Variants in AOPEP observed in about 807,000 individuals in gnomAD.
AOPEP encodes the protein aminopeptidase O (putative).
A neutral mutation model predicts 98.1 loss-of-function variants in AOPEP; 77 were observed. The observed-to-expected ratio is 0.78, with a 90% CI of 0.65 to 0.95. AOPEP has a LOEUF of 0.95. Among genes scored for constraint, AOPEP ranks in the 40% least tolerant of loss-of-function variants. The pLI is 0.00. For synonymous variants in AOPEP, 346 were observed against 365.3 expected (o/e 0.95, Z 0.60); for missense variants, 1,024 against 1,024.7 (o/e 1.00, Z 0.01).
chr9:94,774,097 G>A (rs1841516178), intron 3 of AOPEP, among the ~76,000 whole-genome samples: 1 of 151,938 alleles, frequency 6.6e-6, no homozygotes, highest in African/African-American at 2.4e-5. Context: ...TTTAAAATAT[G>A]GCATCTCCTT....
At chr9:94,892,242 T>C (rs1452225685) in intron 5 of AOPEP, among the ~76,000 whole-genome samples, 3 of 152,154 alleles carry the variant, frequency 2.0e-5, no homozygotes, top group Admixed American at 6.5e-5. Context: ...ACTTGAGAAG[T>C]TTTCAAATCT....
intron 11 of AOPEP, among the ~76,000 whole-genome samples, chr9:94,983,005 C>CTTTTG (rs1023880340): frequency 1.4e-4 from 21 of 151,836 alleles, no homozygotes; most frequent in Non-Finnish European, 2.4e-4. Flanking sequence ...CAGAACTGCG[C>CTTTTG]TTTTGTTTTG....
At chr9:94,864,797 A>G (rs1457904441) in intron 5 of AOPEP, among the ~76,000 whole-genome samples, 2 of 152,172 alleles carry the variant, frequency 1.3e-5, no homozygotes, top group Non-Finnish European at 2.9e-5. Context: ...TAATTCAGTT[A>G]TTTTAATTTT....
At position 95,010,552 on chromosome 9, in the gene AOPEP, G is replaced by A. The variant is rs368639237; in HGVS notation, c.2115+4936G>A. On this transcript the variant is annotated intron_variant, in intron 13 of 16. Transcript: ENST00000375315. ...ATTGCAGTTGAGTGCTTTCCCAGGC[G>A]TTGGTGCCCTTGCCTCTTTTTGAGA... is the stretch of plus-strand genomic sequence containing the variant. 3.3e-5 allele frequency among the ~76,000 whole-genome samples: 5 copies of A among 152,366 alleles called. No homozygotes were observed. In the South Asian group the frequency reaches 1.0e-3, roughly 32 times the overall value.
intron 5 of AOPEP, among the ~76,000 whole-genome samples, chr9:94,863,156 G>T (rs1025297147): frequency 6.6e-6 from 1 of 151,874 alleles, no homozygotes; most frequent in African/African-American, 2.4e-5. Context: ...TGGGAACCGG[G>T]GCTGCTTCTC....
chr9:94,866,395 A>G (rs2045715268), intron 5 of AOPEP, among the ~76,000 whole-genome samples: 1 of 152,206 alleles, frequency 6.6e-6, no homozygotes, highest in Non-Finnish European at 1.5e-5. Context: ...TGCACAAAGG[A>G]AATACAGGAC....
At chr9:94,883,377 T>G (rs1042486673) in intron 5 of AOPEP, among the ~76,000 whole-genome samples, 2 of 152,186 alleles carry the variant, frequency 1.3e-5, no homozygotes, top group African/African-American at 4.8e-5. Flanking sequence ...ATAAGATTTA[T>G]GGACCAAAAA....
intron 10 of AOPEP, among the ~76,000 whole-genome samples, chr9:94,970,215 G>C (rs1467797665): frequency 6.6e-6 from 1 of 152,174 alleles, no homozygotes; most frequent in African/African-American, 2.4e-5. Context: ...GTGGGTGCAT[G>C]TGGTATTTTG....
chr9:94,807,809 T>C (rs973688221), intron 5 of AOPEP, among the ~76,000 whole-genome samples: 8 of 152,210 alleles, frequency 5.3e-5, no homozygotes, highest in African/African-American at 1.9e-4. Context: ...GCTATGTAAG[T>C]ATTTCTTTTA....
At chr9:94,932,520 G>C (rs1253485747) in intron 7 of AOPEP, 2 of 143,000 alleles carry the variant, frequency 1.4e-5, no homozygotes, top group Non-Finnish European at 2.8e-5. Flanking sequence ...GTCTTGCTCT[G>C]TCGCCCAGGC....
At chr9:94,882,263 A>G (rs1173975817) in intron 5 of AOPEP, among the ~76,000 whole-genome samples, 2 of 152,242 alleles carry the variant, frequency 1.3e-5, no homozygotes, top group Admixed American at 1.3e-4. Context: ...AAACAGGGTT[A>G]TTTCAGAGTA....
chr9:94,987,753 T>A (rs1294546184), intron 11 of AOPEP, among the ~76,000 whole-genome samples: 2 of 152,244 alleles, frequency 1.3e-5, no homozygotes, highest in Non-Finnish European at 2.9e-5. Context: ...TCTGTTTTTC[T>A]TGTTGGGGAC....
the AOPEP span, among the ~76,000 whole-genome samples, chr9:95,148,766 G>A: frequency 6.6e-6 from 1 of 152,214 alleles, no homozygotes; most frequent in African/African-American, 2.4e-5. Context: ...AGACCAATGG[G>A]TTTCTAATGT....
the AOPEP span, among the ~76,000 whole-genome samples, chr9:95,113,208 T>C: frequency 4.6e-5 from 7 of 152,250 alleles, no homozygotes; most frequent in South Asian, 2.1e-4. Flanking sequence ...GTAAGAATCA[T>C]GGTGAGGAAG....
intron 5 of AOPEP, among the ~76,000 whole-genome samples, chr9:94,842,788 A>T (rs2042425213): frequency 6.6e-6 from 1 of 152,032 alleles, no homozygotes; most frequent in South Asian, 2.1e-4. Context: ...CCATCTCAAT[A>T]AAAATTAATA....
At chr9:95,144,669 T>C in the AOPEP span, among the ~76,000 whole-genome samples, 19 of 152,334 alleles carry the variant, frequency 1.2e-4, no homozygotes, top group Admixed American at 1.2e-3. Flanking sequence ...AATATATTCC[T>C]AGATGAATCA....
the AOPEP span, among the ~76,000 whole-genome samples, chr9:95,102,905 C>A: frequency 6.6e-6 from 1 of 152,240 alleles, no homozygotes; most frequent in Admixed American, 6.5e-5. Flanking sequence ...CTGCAGCCGG[C>A]CTGCAACGAG....
chr9:94,827,952 T>C (rs10761355), intron 5 of AOPEP, among the ~76,000 whole-genome samples: 117,715 of 152,084 alleles, frequency 0.77, 47,312 homozygotes, highest in Non-Finnish European at 0.89. Context: ...ATAACTTGCA[T>C]TTCCCGGACA....
chr9:95,136,732 C>T, the AOPEP span, among the ~76,000 whole-genome samples: 1 of 152,208 alleles, frequency 6.6e-6, no homozygotes, highest in Non-Finnish European at 1.5e-5. Context: ...AATCTTCCTG[C>T]CTTGGCCTCC....
Sources: allele counts gnomAD v4.1 joint callset (sites outside exome capture counted in the v4.1 genomes callset), GRCh38; gene constraint gnomAD v4.1.1; transcripts MANE v1.5; gene names NCBI Gene and HGNC (gene_info 2026-07-23, HGNC 2026-07-21).